Variants in NAV3 observed in about 807,000 individuals in gnomAD.
NAV3 encodes pore membrane and/or filament interacting like protein 1.
A neutral mutation model predicts 244.7 loss-of-function variants in NAV3; 87 were observed. The ratio of observed to expected loss-of-function variants is 0.36; its 90% CI spans 0.30 to 0.42. The LOEUF is 0.42. Among genes scored for constraint, NAV3 ranks in the 20% least tolerant of loss-of-function variants. NAV3 has a pLI of 1.00. For synonymous variants in NAV3, 1,126 were observed against 1,042.2 expected, an observed-to-expected ratio of 1.08 and a Z score of -1.55; for missense variants, 2,663 against 2,893.3, an observed-to-expected ratio of 0.92 and a Z score of 1.83.
chr12:78,151,099 C>A (rs1198074701), intron 22 of NAV3, among the ~76,000 whole-genome samples: 2 of 151,844 alleles, frequency 1.3e-5, no homozygotes, highest in Non-Finnish European at 2.9e-5. Flanking sequence ...AGACTAGAAG[C>A]AGCAGTGCCA....
chr12:78,064,722 G>T (rs1281641035), intron 12 of NAV3, among the ~76,000 whole-genome samples: 1 of 151,982 alleles, frequency 6.6e-6, no homozygotes, highest in Non-Finnish European at 1.5e-5. Flanking sequence ...CTATATATGT[G>T]CTGGATTAAA....
At chr12:78,005,419 C>T (rs1874027829) in intron 7 of NAV3, among the ~76,000 whole-genome samples, 1 of 152,106 alleles carries the variant, frequency 6.6e-6, no homozygotes, top group Admixed American at 6.5e-5. Context: ...CAACAGTTTT[C>T]AGAATTTGTG....
chr12:78,131,742 TG>T (rs1470640356), intron 18 of NAV3, among the ~76,000 whole-genome samples: 5 of 152,160 alleles, frequency 3.3e-5, no homozygotes, highest in Non-Finnish European at 7.4e-5. Context: ...ATCTCTTGAA[TG>T]GATACATAAT....
At chr12:77,920,628 C>T (rs1170550267) in intron 1 of NAV3, among the ~76,000 whole-genome samples, 1 of 151,954 alleles carries the variant, frequency 6.6e-6, no homozygotes. Context: ...AAAACAGGTA[C>T]AAGCCTTTGA....
chr12:77,942,786 G>T (rs995159523), intron 3 of NAV3, among the ~76,000 whole-genome samples: 2 of 152,166 alleles, frequency 1.3e-5, no homozygotes, highest in African/African-American at 4.8e-5. Flanking sequence ...AAAATGCAAT[G>T]CAGAATAGTA....
intron 1 of NAV3, among the ~76,000 whole-genome samples, chr12:77,846,747 T>C (rs1876704084): frequency 6.6e-6 from 1 of 152,234 alleles, no homozygotes; most frequent in Admixed American, 6.5e-5. Flanking sequence ...AAATGTCCTT[T>C]CTTTAACAGG....
chr12:78,121,829 T>G (rs1955681351), intron 15 of NAV3, 111 bp from the exon 16 acceptor site: 1 of 1,352,242 alleles, frequency 7.4e-7, no homozygotes, highest in East Asian at 2.3e-5. Context: ...GGAAGTGCTT[T>G]GTAGTTCAGT....
chr12:77,608,854 T>C (rs1870784985), intron 2 of NAV3, among the ~76,000 whole-genome samples: 1 of 152,046 alleles, frequency 6.6e-6, no homozygotes, highest in Non-Finnish European at 1.5e-5. Flanking sequence ...TCGTTTAGCT[T>C]TTTCTCCAGG....
intron 2 of NAV3, among the ~76,000 whole-genome samples, chr12:77,735,423 T>C (rs985675818): frequency 6.6e-6 from 1 of 152,120 alleles, no homozygotes; most frequent in African/African-American, 2.4e-5. Flanking sequence ...CTGCTCACAC[T>C]AGGAGCTCAG....
intron 2 of NAV3, among the ~76,000 whole-genome samples, chr12:77,720,989 T>C (rs891145335): frequency 6.6e-6 from 1 of 152,158 alleles, no homozygotes; most frequent in African/African-American, 2.4e-5. Context: ...AGCAGTGTGG[T>C]CTGAGTCTGC....
At chr12:77,754,950 A>G (rs1170390772) in intron 2 of NAV3, among the ~76,000 whole-genome samples, 3 of 152,228 alleles carry the variant, frequency 2.0e-5, no homozygotes, top group Non-Finnish European at 4.4e-5. Flanking sequence ...GCTGGCAAGA[A>G]TAGAAAATCT....
intron 12 of NAV3, among the ~76,000 whole-genome samples, chr12:78,105,387 G>A (rs560352718): frequency 2.0e-5 from 3 of 151,944 alleles, no homozygotes; most frequent in Admixed American, 6.6e-5. Context: ...ATCATATTAG[G>A]TTCCTGTGAG....
At chr12:78,123,042 A>G (rs1955745658) in intron 16 of NAV3, among the ~76,000 whole-genome samples, 1 of 152,156 alleles carries the variant, frequency 6.6e-6, no homozygotes, top group South Asian at 2.1e-4. Context: ...ATATATATAT[A>G]TAAACTTAAA....
At chr12:78,168,978 T>C (rs560127210) in intron 24 of NAV3, 112 bp downstream of exon 24, 1 of 617,242 alleles carries the variant, frequency 1.6e-6, no homozygotes, top group African/African-American at 1.9e-5. Context: ...TAATACATAC[T>C]AGTTGTATTA....
chr12:77,720,635 C>A (rs1339174801), intron 2 of NAV3, among the ~76,000 whole-genome samples: 1 of 152,134 alleles, frequency 6.6e-6, no homozygotes, highest in Non-Finnish European at 1.5e-5. Context: ...ATGTTAGATG[C>A]AAACTCCAAT....
At chr12:78,144,036 C>T (rs923623467) in intron 20 of NAV3, among the ~76,000 whole-genome samples, 1 of 152,178 alleles carries the variant, frequency 6.6e-6, no homozygotes, top group Non-Finnish European at 1.5e-5. Flanking sequence ...TATTTAAATA[C>T]TTCAAGTCCA....
At chr12:78,069,934 T>G (rs1952671115) in intron 12 of NAV3, among the ~76,000 whole-genome samples, 1 of 152,088 alleles carries the variant, frequency 6.6e-6, no homozygotes, top group Non-Finnish European at 1.5e-5. Context: ...GAATTATAGT[T>G]TGTTGCAATT....
rs114678216 is a variant in NAV3, at chr12:78,120,225, G to A, written c.3749+280G>A. Among the ~76,000 whole-genome samples, 586 of 152,126 alleles carry A rather than the reference G, an allele frequency of 3.9e-3. 3 individuals carry two copies. Among genetic ancestry groups the A allele is most frequent in the African/African-American group, 0.013 (549 of 41,500 alleles). On this transcript the variant is annotated intron_variant, in intron 15 of 39. Transcript: ENST00000397909. ...ACATCTAAGAGACTTAAAAGCTGAT[G>A]GTAATACCTAAGTGTAGTGATAAGG...
chr12:78,146,220 A>T (rs949762665), intron 20 of NAV3, 149 bp from the exon 21 acceptor site: 1 of 290,300 alleles, frequency 3.4e-6, no homozygotes, highest in African/African-American at 2.2e-5. Flanking sequence ...TGCTTGTACT[A>T]TTTCAATTGA....
Sources: allele counts gnomAD v4.1 joint callset (sites outside exome capture counted in the v4.1 genomes callset), GRCh38; gene constraint gnomAD v4.1.1; transcripts MANE v1.5; gene names NCBI Gene and HGNC (gene_info 2026-07-23, HGNC 2026-07-21).